The following SELENOI variants were observed in gnomAD, a reference collection of about 807,000 sequenced individuals.
The protein encoded by SELENOI is selenoprotein I.
In SELENOI, 24 loss-of-function variants were observed where a neutral mutation model predicts 50.7. The observed-to-expected ratio is 0.47, with a 90% CI of 0.34 to 0.67. SELENOI has a LOEUF of 0.67. Among genes scored for constraint, SELENOI ranks in the 30% least tolerant of loss-of-function variants. SELENOI has a pLI of 0.01. For synonymous variants in SELENOI, 155 were observed against 170.2 expected, an observed-to-expected ratio of 0.91 and a Z score of 0.70; for missense variants, 352 against 461.4, an observed-to-expected ratio of 0.76 and a Z score of 2.17.
intron 8 of SELENOI, among the ~76,000 whole-genome samples, chr2:26,385,383 A>G (rs1288340482): frequency 1.3e-5 from 2 of 152,150 alleles, no homozygotes; most frequent in Non-Finnish European, 2.9e-5. Context: ...TAAATTTTTT[A>G]TTTTGGTTGC....
At chr2:26,352,145 A>G (rs1676973754) in intron 1 of SELENOI, among the ~76,000 whole-genome samples, 1 of 152,082 alleles carries the variant, frequency 6.6e-6, no homozygotes, top group South Asian at 2.1e-4. Flanking sequence ...GTCTCAGAGA[A>G]GAAAAAAAAG....
chr2:26,362,897 C>G (rs779866784), intron 1 of SELENOI, among the ~76,000 whole-genome samples: 110 of 152,096 alleles, frequency 7.2e-4, no homozygotes, highest in Non-Finnish European at 1.2e-3. Flanking sequence ...TTACCTAGTT[C>G]AAGACTTGTC....
At chr2:26,380,153 T>C (rs1225666157) in intron 6 of SELENOI, among the ~76,000 whole-genome samples, 1 of 152,228 alleles carries the variant, frequency 6.6e-6, no homozygotes, top group Non-Finnish European at 1.5e-5. Flanking sequence ...TTTATAATTA[T>C]GTAAAATATT....
chr2:26,392,846 T>C lies in SELENOI; in HGVS notation c.*3743T>C, dbSNP rs916365310. 1.3e-5 allele frequency: 2 copies of C among 152,246 alleles called. No homozygotes were observed. Among genetic ancestry groups the C allele is most frequent in the Admixed American group, 1.3e-4 (2 of 15,286 alleles). The allele number at this position is 152,246 out of a possible 1,614,324, so 9.4% of individuals were successfully genotyped here. ...CCAGAATTTTCTTTGTCCCATGAGGTGTCTTTGTAAGTCAGCATGCTCTTG... is the reference window on the plus strand; with the variant it reads ...CCAGAATTTTCTTTGTCCCATGAGGCGTCTTTGTAAGTCAGCATGCTCTTG... On this transcript the variant is annotated 3_prime_UTR_variant, in exon 10 of 10. Coordinates refer to ENST00000260585, the MANE Select transcript of SELENOI (RefSeq NM_033505.4).
At chr2:26,359,230 T>A (rs1677125636) in intron 1 of SELENOI, among the ~76,000 whole-genome samples, 1 of 152,138 alleles carries the variant, frequency 6.6e-6, no homozygotes, top group African/African-American at 2.4e-5. Context: ...TGTATTAAAC[T>A]AGACCTAGAT....
chr2:26,371,773 A>C (rs1163473505), intron 4 of SELENOI, among the ~76,000 whole-genome samples: 1 of 152,242 alleles, frequency 6.6e-6, no homozygotes, highest in Non-Finnish European at 1.5e-5. Flanking sequence ...AGGCAGGAGA[A>C]TCAGGCAGGG....
At chr2:26,379,249 C>T (rs1677631782) in intron 6 of SELENOI, among the ~76,000 whole-genome samples, 1 of 152,148 alleles carries the variant, frequency 6.6e-6, no homozygotes, top group Non-Finnish European at 1.5e-5. Flanking sequence ...GAGAAGAGCG[C>T]AACTCTGTCT....
chr2:26,350,766 C>A (rs1676939643), intron 1 of SELENOI, among the ~76,000 whole-genome samples: 3 of 151,994 alleles, frequency 2.0e-5, no homozygotes, highest in Non-Finnish European at 4.4e-5. Flanking sequence ...GTTGAGAAAG[C>A]CTTCAGGGGA....
At chr2:26,388,348 G>A (rs2147964591) in intron 9 of SELENOI, among the ~76,000 whole-genome samples, 1 of 152,220 alleles carries the variant, frequency 6.6e-6, no homozygotes, top group Non-Finnish European at 1.5e-5. Flanking sequence ...CATTTTCATT[G>A]TTAAAAACCT....
chr2:26,373,559 T>A lies in SELENOI; in HGVS notation c.503T>A (p.Ile168Asn). 6.2e-7 allele frequency: 1 copy of A among 1,613,968 alleles called. No individual in the cohort carries two copies. The highest frequency in any genetic ancestry group is 1.1e-5 in the South Asian group (1 of 91,066). The part of the protein sequence containing the change: ...LLLWVVLFSF[I>N]LSHWEKYNTG... ...CTATGGGTAGTTTTGTTTTCTTTCATCCTGTCCCACTGGGAAAAGTATAAC... is the reference window on the plus strand; with the variant it reads ...CTATGGGTAGTTTTGTTTTCTTTCAACCTGTCCCACTGGGAAAAGTATAAC... The change falls in exon 5 of 10, where the codon ATC (isoleucine) becomes AAC (asparagine). Residue 168 changes from isoleucine (I) to asparagine (N), a missense_variant. Physicochemically the swap from Ile to Asn is moderately radical, Grantham distance 149 (BLOSUM62 -3). Coordinates refer to ENST00000260585, the MANE Select transcript of SELENOI (RefSeq NM_033505.4).
chr2:26,361,491 G>C (rs1166879621), intron 1 of SELENOI, among the ~76,000 whole-genome samples: 1 of 152,150 alleles, frequency 6.6e-6, no homozygotes, highest in Non-Finnish European at 1.5e-5. Flanking sequence ...TGTGTGTACT[G>C]TACTTACCTA....
intron 6 of SELENOI, among the ~76,000 whole-genome samples, chr2:26,378,191 G>T (rs1478065043): frequency 6.6e-6 from 1 of 151,892 alleles, no homozygotes; most frequent in Non-Finnish European, 1.5e-5. Context: ...TTGCTTTTGG[G>T]GTTTCCCCAT....
rs1677949516 is a variant in SELENOI, at chr2:26,390,895, A to T, written c.*1792A>T. 1 of 152,168 alleles carries T rather than the reference A, an allele frequency of 6.6e-6. No individual in the cohort carries two copies. The highest frequency in any genetic ancestry group is 1.5e-5 in the Non-Finnish European group (1 of 68,030). The allele number at this position is 152,168 out of a possible 1,614,324, so 9.4% of individuals were successfully genotyped here. A position where few individuals can be genotyped will look rare whatever the true frequency, so the allele number is the denominator to read the frequency against. Reference sequence around the variant, plus strand: ...AAAATGTTAATTGGGGGTAGGGAAAAAGCTTTGTTTTAAGATTTCTAAGCT... The same window carrying T: ...AAAATGTTAATTGGGGGTAGGGAAATAGCTTTGTTTTAAGATTTCTAAGCT... On this transcript the variant is annotated 3_prime_UTR_variant, in exon 10 of 10. Coordinates refer to ENST00000260585, the MANE Select transcript of SELENOI (RefSeq NM_033505.4).
chr2:26,354,293 C>A (rs1410593437), intron 1 of SELENOI, among the ~76,000 whole-genome samples: 1 of 152,120 alleles, frequency 6.6e-6, no homozygotes, highest in Non-Finnish European at 1.5e-5. Context: ...GGCAATCAGT[C>A]TGGAGTCCAT....
intron 7 of SELENOI, among the ~76,000 whole-genome samples, chr2:26,383,607 G>A (rs112074385): frequency 1.1e-3 from 174 of 152,186 alleles, no homozygotes; most frequent in African/African-American, 4.0e-3. Context: ...GGCCAGGCGC[G>A]GTGGCTCACA....
chr2:26,358,402 C>T (rs1271101782), intron 1 of SELENOI, among the ~76,000 whole-genome samples: 1 of 151,938 alleles, frequency 6.6e-6, no homozygotes, highest in African/African-American at 2.4e-5. Flanking sequence ...AAGACAAAAA[C>T]AAAACAAAAA....
At chr2:26,388,180 A>G (rs756525083) in intron 9 of SELENOI, among the ~76,000 whole-genome samples, 1 of 152,196 alleles carries the variant, frequency 6.6e-6, no homozygotes, top group African/African-American at 2.4e-5. Context: ...CTTTATCCTG[A>G]TATTTCATCA....
chr2:26,368,663 G>GA (rs901353776), intron 4 of SELENOI, among the ~76,000 whole-genome samples: 2 of 151,404 alleles, frequency 1.3e-5, no homozygotes, highest in East Asian at 1.9e-4. Flanking sequence ...ACCTTTTTAA[G>GA]AAAAAAAAAT....
At chr2:26,387,610 C>T (rs533875579) in intron 9 of SELENOI, among the ~76,000 whole-genome samples, 100 of 148,562 alleles carry the variant, frequency 6.7e-4, no homozygotes, top group African/African-American at 2.3e-3. Context: ...GTGGGAGGAT[C>T]GCTGGAGCCC....
Sources: gnomAD v4.1 joint callset for allele counts (sites outside exome capture counted in the v4.1 genomes callset) on GRCh38, gnomAD v4.1.1 for gene constraint, MANE v1.5 for transcripts, NCBI Gene and HGNC (gene_info 2026-07-23, HGNC 2026-07-21) for gene names.